Variants in SOX7 observed in about 807,000 individuals in gnomAD.
SOX7 encodes the protein transcription factor SOX-7.
In SOX7, 19 loss-of-function variants were observed where a neutral mutation model predicts 24.9. The observed-to-expected ratio is 0.76, with a 90% CI of 0.53 to 1.12. SOX7 has a LOEUF of 1.12. Ranked by LOEUF, SOX7 falls within the 50% of genes most tolerant of loss-of-function variation. The pLI, the probability that SOX7 is intolerant of heterozygous loss-of-function variation, is 0.00. For missense variants in SOX7, 702 were observed against 535.0 expected (o/e 1.31, Z -3.08); for synonymous variants, 327 against 244.5 (o/e 1.34, Z -3.15).
In SOX7 at chr8:10,726,544, G is replaced by T. The variant is rs932391071; in HGVS notation, c.361C>A (p.Gln121Lys). ...ACGCGCTTGCACAGCCGCTTGGCCT[G>T]CTTCTTCCTGCGCGGCCGGTACTTG... The part of the protein sequence containing the change: ...NYKYRPRRKK[Q>K]AKRLCKRVDP... The change falls in exon 2 of 2, where the codon CAG becomes AAG. Residue 121 changes from glutamine to lysine, a missense_variant. By Grantham distance (53) the Gln-to-Lys change is moderately conservative. Transcript: ENST00000304501. 6.2e-7 allele frequency: 1 copy of T among 1,612,402 alleles called. No homozygotes were observed. Among genetic ancestry groups the T allele is most frequent in the South Asian group, 1.1e-5 (1 of 91,084 alleles).
At position 10,730,319 on chromosome 8, in the gene SOX7, T is replaced by G. The variant is rs1800236167; in HGVS notation, c.115A>C (p.Lys39Gln). Residue 39 changes from lysine (K) to glutamine (Q), a missense_variant, in exon 1 of 2, where the codon AAG (lysine) becomes CAG (glutamine). Transcript: ENST00000304501. The surrounding 1 kb of genome is among the most constrained non-coding windows in gnomAD (Gnocchi z 4.8). ...PPAVPRPPGD[K>Q]GSESRIRRPM... ...CGCCGGATACGGCTCTCGGAGCCCTTGTCCCCCGGGGGCCGGGGGACGGCC... is the reference window on the plus strand; with the variant it reads ...CGCCGGATACGGCTCTCGGAGCCCTGGTCCCCCGGGGGCCGGGGGACGGCC... 6.4e-7 allele frequency: 1 copy of G among 1,574,502 alleles called. No homozygotes were observed. The highest frequency in any genetic ancestry group is 8.6e-7 in the Non-Finnish European group (1 of 1,163,174).
At chr8:10,729,082 C>T (rs943233281) in intron 1 of SOX7, among the ~76,000 whole-genome samples, 12 of 152,154 alleles carry the variant, frequency 7.9e-5, no homozygotes, top group Non-Finnish European at 1.8e-4. Flanking sequence ...ACTCCATCAA[C>T]TGCTTTGCAC....
Position 10,725,705 on chromosome 8 carries a change from C to A in SOX7, c.*33G>T, listed in dbSNP as rs372656377. 2.7e-4 allele frequency: 434 copies of A among 1,610,876 alleles called. No homozygotes were observed. The highest frequency in any genetic ancestry group is 3.5e-4 in the Admixed American group (21 of 59,952). On this transcript the variant is annotated 3_prime_UTR_variant, in exon 2 of 2. Coordinates refer to ENST00000304501, the MANE Select transcript of SOX7 (RefSeq NM_031439.4). The stretch of plus-strand genomic sequence containing the variant: ...CACTCAAGGCACAAGAAGGAGAGGG[C>A]GCGAGGGCTGACCGGACGGGGCGCC...
chr8:10,729,605 T>C (rs1319846205), intron 1 of SOX7: 2 of 152,228 alleles, frequency 1.3e-5, no homozygotes, highest in African/African-American at 2.4e-5. Flanking sequence ...GACTGAGCAA[T>C]AGATGAACGA....
chr8:10,729,688 G>C (rs990609910), intron 1 of SOX7: 7 of 152,242 alleles, frequency 4.6e-5, no homozygotes, highest in African/African-American at 1.4e-4. Context: ...GCAAGGATTC[G>C]TTCCTCAGGG....
chr8:10,726,562 G>T lies in SOX7; in HGVS notation c.343C>A (p.Arg115=). 1 of 1,611,866 alleles carries T rather than the reference G, an allele frequency of 6.2e-7. No individual in the cohort carries two copies. Among genetic ancestry groups the T allele is most frequent in the East Asian group, 2.2e-5 (1 of 44,874 alleles). Residue 115 remains arginine (R), a synonymous_variant, in exon 2 of 2, where the codon CGG becomes AGG. Coordinates refer to ENST00000304501, the MANE Select transcript of SOX7 (RefSeq NM_031439.4). ...HMQDYPNYKY[R]PRRKKQAKRL... is the part of the protein sequence containing the mutation. ...TTGGCCTGCTTCTTCCTGCGCGGCC[G>T]GTACTTGTAGTTGGGGTAGTCCTGC...
In SOX7 at chr8:10,730,332, C is replaced by T; in HGVS notation, c.102G>A (p.Arg34=). 1.9e-6 allele frequency: 3 copies of T among 1,568,002 alleles called. No homozygotes were observed. Among genetic ancestry groups the T allele is most frequent in the Non-Finnish European group, 2.6e-6 (3 of 1,160,976 alleles). ...SDGQSPPAVP[R]PPGDKGSESR... ...TCTCGGAGCCCTTGTCCCCCGGGGG[C>T]CGGGGGACGGCCGGCGGCGATTGTC... The change falls in exon 1 of 2, where the codon CGG becomes CGA. Residue 34 remains arginine, a synonymous_variant. Transcript: ENST00000304501. The surrounding 1 kb of genome is among the most constrained non-coding windows in gnomAD (Gnocchi z 4.8).
In SOX7 at chr8:10,726,521, G is replaced by T; in HGVS notation, c.384C>A (p.Arg128=). 1 of 1,612,600 alleles carries T rather than the reference G, an allele frequency of 6.2e-7. No individual in the cohort carries two copies. Among genetic ancestry groups the T allele is most frequent in the Non-Finnish European group, 8.5e-7 (1 of 1,179,968 alleles). The part of the protein sequence containing the change: ...RKKQAKRLCK[R]VDPGFLLSSL... ...AGCTCAGAAGGAAGCCCGGGTCCACGCGCTTGCACAGCCGCTTGGCCTGCT... is the reference window on the plus strand; with the variant it reads ...AGCTCAGAAGGAAGCCCGGGTCCACTCGCTTGCACAGCCGCTTGGCCTGCT... The change falls in exon 2 of 2, where the codon CGC becomes CGA. Residue 128 remains arginine, a synonymous_variant. Transcript: ENST00000304501.
Position 10,730,108 on chromosome 8 carries a change from G to C in SOX7, c.238+88C>G, listed in dbSNP as rs541998011. On this transcript the variant is annotated intron_variant, in intron 1 of 1. Coordinates refer to ENST00000304501, the MANE Select transcript of SOX7 (RefSeq NM_031439.4). This position sits in a 1 kb window ranked among gnomAD's most constrained non-coding sequence, Gnocchi z 4.8. The stretch of plus-strand genomic sequence containing the variant: ...GTCCCGCGTGCCGGGTCTTCCCCAG[G>C]CTCCGCGCTCGCACCCGCCCTGCAG... 10 of 1,012,798 alleles carry C rather than the reference G, an allele frequency of 9.9e-6. No individual in the cohort carries two copies. The South Asian group carries it at 4.1e-4, about 41-fold the overall frequency. The allele number at this position is 1,012,798 out of a possible 1,614,324, so 62.7% of individuals were successfully genotyped here.
At chr8:10,728,501 T>C (rs1201932128) in intron 1 of SOX7, among the ~76,000 whole-genome samples, 1 of 152,228 alleles carries the variant, frequency 6.6e-6, no homozygotes, top group Non-Finnish European at 1.5e-5. Context: ...AAAGCACCAG[T>C]GTTGCGGTTT....
rs1220991833 is a variant in SOX7, at chr8:10,726,524, C to A, written c.381G>T (p.Lys127Asn). The A allele has an allele frequency of 3.1e-6, 5 of 1,612,578 alleles. No homozygotes were observed. The highest frequency in any genetic ancestry group is 4.2e-6 in the Non-Finnish European group (5 of 1,179,964). Residue 127 changes from lysine to asparagine, a missense_variant, in exon 2 of 2, where the codon AAG becomes AAT. By Grantham distance (94) the Lys-to-Asn change is moderately conservative. Coordinates refer to ENST00000304501, the MANE Select transcript of SOX7 (RefSeq NM_031439.4). ...TCAGAAGGAAGCCCGGGTCCACGCGCTTGCACAGCCGCTTGGCCTGCTTCT... is the reference window on the plus strand; with the variant it reads ...TCAGAAGGAAGCCCGGGTCCACGCGATTGCACAGCCGCTTGGCCTGCTTCT... Reference protein sequence around the residue: ...RRKKQAKRLCKRVDPGFLLSS... With the variant: ...RRKKQAKRLCNRVDPGFLLSS...
chr8:10,729,788 C>A (rs1039785379), intron 1 of SOX7, among the ~76,000 whole-genome samples: 2 of 152,122 alleles, frequency 1.3e-5, no homozygotes, highest in African/African-American at 2.4e-5. Flanking sequence ...GGAATGCTGG[C>A]TTTTCCCGCT....
Position 10,730,260 on chromosome 8 carries a change from G to C in SOX7, c.174C>G (p.Asp58Glu). Residue 58 changes from aspartate to glutamate, a missense_variant, in exon 1 of 2, where the codon GAC (aspartate) becomes GAG (glutamate). Physicochemically the swap from Asp to Glu is conservative, Grantham distance 45. Transcript: ENST00000304501. This position sits in a 1 kb window ranked among gnomAD's most constrained non-coding sequence, Gnocchi z 4.8. Reference sequence around the variant, plus strand: ...TCTGCACTGCCAGCCGTTTCCTCTCGTCCTTGGCCCAAACCATGAAGGCGT... The same window carrying C: ...TCTGCACTGCCAGCCGTTTCCTCTCCTCCTTGGCCCAAACCATGAAGGCGT... ...PMNAFMVWAK[D>E]ERKRLAVQNP... 6.3e-7 allele frequency: 1 copy of C among 1,578,832 alleles called. No homozygotes were observed. The highest frequency in any genetic ancestry group is 1.1e-5 in the South Asian group (1 of 87,250).
At chr8:10,727,826 C>G (rs1394962004) in intron 1 of SOX7, among the ~76,000 whole-genome samples, 3 of 152,184 alleles carry the variant, frequency 2.0e-5, no homozygotes, top group Admixed American at 2.0e-4. Context: ...AGGTTAAGGC[C>G]TAAGGAAAGG....
chr8:10,725,740 A>G lies in SOX7; in HGVS notation c.1165T>C (p.Ter389GlnextTer85), dbSNP rs924791138. 1 of 1,614,116 alleles carries G rather than the reference A, an allele frequency of 6.2e-7. No homozygotes were observed. The highest frequency in any genetic ancestry group is 8.5e-7 in the Non-Finnish European group (1 of 1,180,024). The change falls in exon 2 of 2, where the codon TAG becomes CAG. Residue 389 changes from the stop codon to glutamine, a stop_lost. Transcript: ENST00000304501. ...ATYYNSYSVS[*>Q] ...GACCGGACGGGGCGCCTCCAGCTCT[A>G]TGACACACTGTAGCTGTTGTAGTAC...
chr8:10,726,335 G>C lies in SOX7; in HGVS notation c.570C>G (p.Thr190=), dbSNP rs1386927292. 1 of 1,612,586 alleles carries C rather than the reference G, an allele frequency of 6.2e-7. No individual in the cohort carries two copies. The highest frequency in any genetic ancestry group is 1.3e-5 in the African/African-American group (1 of 74,866). The change falls in exon 2 of 2, where the codon ACC becomes ACG. Residue 190 remains threonine (T), a synonymous_variant. Coordinates refer to ENST00000304501, the MANE Select transcript of SOX7 (RefSeq NM_031439.4). The part of the protein sequence containing the change: ...EGPAGGGGGG[T]PSSVDTYPYG... ...ACGGGTACGTGTCCACACTGCTCGG[G>C]GTGCCGCCGCCGCCACCACCAGCCG...
chr8:10,724,716 TA>T lies in SOX7; in HGVS notation c.*1021del, dbSNP rs1301911643. On this transcript the variant is annotated 3_prime_UTR_variant, in exon 2 of 2. Coordinates refer to ENST00000304501, the MANE Select transcript of SOX7 (RefSeq NM_031439.4). ...TCCTGGTATACATTCAGACTGTGCATATTCTTTTTTTTTTTTTTTTCTTGAA... is the reference window on the plus strand; with the variant it reads ...TCCTGGTATACATTCAGACTGTGCATTTCTTTTTTTTTTTTTTTTCTTGAA... 4 of 148,132 alleles carry T rather than the reference TA, an allele frequency of 2.7e-5. No homozygotes were observed. Among genetic ancestry groups the T allele is most frequent in the African/African-American group, 1.1e-4 (4 of 37,628 alleles). The allele number at this position is 148,132 out of a possible 1,614,324, so 9.2% of individuals were successfully genotyped here. A position where few individuals can be genotyped will look rare whatever the true frequency, so the allele number is the denominator to read the frequency against.
rs1431609673 is a variant in SOX7 at position 10,725,925 on chromosome 8, A to G, written c.980T>C (p.Met327Thr). Residue 327 changes from methionine to threonine, a missense_variant, in exon 2 of 2, where the codon ATG becomes ACG. Transcript: ENST00000304501. The stretch of plus-strand genomic sequence containing the variant: ...ATACTGGTCGAATTCATTGCGATCC[A>G]TGTCCCCCAGGAGTTCCACCTGGCT... Reference protein sequence around the residue: ...QLSQVELLGDMDRNEFDQYLN... With the variant: ...QLSQVELLGDTDRNEFDQYLN... 28 of 1,613,974 alleles carry G rather than the reference A, an allele frequency of 1.7e-5. No homozygotes were observed. Among genetic ancestry groups the G allele is most frequent in the Non-Finnish European group, 2.2e-5 (26 of 1,179,974 alleles).
chr8:10,726,360 G>A lies in SOX7; in HGVS notation c.545C>T (p.Pro182Leu), dbSNP rs1463828672. The A allele has an allele frequency of 4.3e-6, 7 of 1,612,684 alleles. No individual in the cohort carries two copies. Among genetic ancestry groups the A allele is most frequent in the Non-Finnish European group, 5.9e-6 (7 of 1,179,604 alleles). Residue 182 changes from proline (P) to leucine (L), a missense_variant, in exon 2 of 2, where the codon CCG (proline) becomes CTG (leucine). Transcript: ENST00000304501. ...PSLRGCYHEG[P>L]AGGGGGGTPS... ...GGTGCCGCCGCCGCCACCACCAGCCGGCCCCTCGTGGTAGCAGCCCCGGAG... is the reference window on the plus strand; with the variant it reads ...GGTGCCGCCGCCGCCACCACCAGCCAGCCCCTCGTGGTAGCAGCCCCGGAG...
Sources: allele counts gnomAD v4.1 joint callset (sites outside exome capture counted in the v4.1 genomes callset), GRCh38; gene constraint gnomAD v4.1.1; non-coding constraint Gnocchi (gnomAD v3.1); transcripts MANE v1.5; gene names NCBI Gene and HGNC (gene_info 2026-07-23, HGNC 2026-07-21).